Variants in CLTC observed in about 807,000 individuals in gnomAD.
The protein encoded by CLTC is clathrin heavy chain 1.
CLTC carries 16 observed loss-of-function variants against 195.8 expected under a neutral mutation model. The observed-to-expected ratio is 0.08, with a 90% CI of 0.06 to 0.12. The LOEUF is 0.12. CLTC is among the 10% of genes least tolerant of loss of function. The pLI is 1.00. For synonymous variants in CLTC, 667 were observed against 689.4 expected (o/e 0.97, Z 0.51); for missense variants, 796 against 2,027.0 (o/e 0.39, Z 11.66).
At position 59,655,922 on chromosome 17, in the gene CLTC, G is replaced by A; in HGVS notation, c.864G>A (p.Glu288=). The part of the protein sequence containing the change: ...KYGYIHLYDL[E]TGTCIYMNRI... ...GTTATATCCACCTCTATGATCTTGAGACTGGTACCTGCATCTACATGAATA... is the reference window on the plus strand; with the variant it reads ...GTTATATCCACCTCTATGATCTTGAAACTGGTACCTGCATCTACATGAATA... The change falls in exon 6 of 32, where the codon GAG becomes GAA. Residue 288 remains glutamate, a synonymous_variant. Transcript: ENST00000269122. 6.2e-7 allele frequency: 1 copy of A among 1,612,362 alleles called. No homozygotes were observed.
In CLTC at chr17:59,682,844, A is replaced by G. The variant is rs1351301241; in HGVS notation, c.3765+51A>G. 1 of 1,604,648 alleles carries G rather than the reference A, an allele frequency of 6.2e-7. No homozygotes were observed. The highest frequency in any genetic ancestry group is 2.2e-5 in the East Asian group (1 of 44,798). ...AGAATTAAAGAAACGCTATTTAAAC[A>G]TTAGTTTAAATAACTAGCCATGTTT... On this transcript the variant is annotated intron_variant, in intron 23 of 31. Transcript: ENST00000269122. This position sits in a 1 kb window ranked among gnomAD's most constrained non-coding sequence, Gnocchi z 6.8.
intron 17 of CLTC, among the ~76,000 whole-genome samples, chr17:59,679,088 GTACA>G (rs749581971): frequency 2.3e-4 from 35 of 152,252 alleles, no homozygotes; most frequent in Non-Finnish European, 4.1e-4. Context: ...TTACATTTAT[GTACA>G]TACATATGCT....
chr17:59,682,207 A>T lies in CLTC; in HGVS notation c.3443-64A>T. On this transcript the variant is annotated intron_variant, in intron 21 of 31. Coordinates refer to ENST00000269122, the MANE Select transcript of CLTC (RefSeq NM_004859.4). This position sits in a 1 kb window ranked among gnomAD's most constrained non-coding sequence, Gnocchi z 6.8. ...AAGGAAATGAATGCAATTTTCATTT[A>T]CTTGGGTGAAAGATAAACTAGGATG... 6.9e-7 allele frequency: 1 copy of T among 1,458,778 alleles called. No individual in the cohort carries two copies. The highest frequency in any genetic ancestry group is 2.3e-5 in the East Asian group (1 of 43,798). 90.4% of individuals were successfully genotyped at this position (1,458,778 alleles called of 1,614,324 possible).
intron 17 of CLTC, 40 bp downstream of exon 17, chr17:59,677,228 T>C: frequency 6.7e-7 from 1 of 1,485,464 alleles, no homozygotes; most frequent in Non-Finnish European, 9.4e-7. Flanking sequence ...AGCTGCATTT[T>C]TAAAAACCTG....
chr17:59,638,779 G>A (rs2143479236), intron 1 of CLTC, among the ~76,000 whole-genome samples: 1 of 152,244 alleles, frequency 6.6e-6, no homozygotes, highest in South Asian at 2.1e-4. Context: ...CTTCTGTGTG[G>A]CCCAGTTGCT....
intron 1 of CLTC, among the ~76,000 whole-genome samples, chr17:59,623,937 C>T (rs1472496905): frequency 6.6e-6 from 1 of 152,168 alleles, no homozygotes; most frequent in African/African-American, 2.4e-5. Flanking sequence ...ATAGGCCATG[C>T]TGATGTGTTT....
chr17:59,679,808 C>A (rs1046390563), intron 18 of CLTC, among the ~76,000 whole-genome samples: 3 of 151,946 alleles, frequency 2.0e-5, no homozygotes, highest in Non-Finnish European at 4.4e-5. Context: ...GTGGCTCACG[C>A]CTGTAATTCC....
intron 2 of CLTC, among the ~76,000 whole-genome samples, chr17:59,646,383 C>A (rs1381640105): frequency 3.3e-5 from 5 of 152,142 alleles, no homozygotes; most frequent in Non-Finnish European, 7.4e-5. Context: ...GAATAACATT[C>A]TTCATTTTAT....
intron 6 of CLTC, among the ~76,000 whole-genome samples, chr17:59,659,329 G>A (rs567007959): frequency 6.6e-6 from 1 of 152,052 alleles, no homozygotes; most frequent in Non-Finnish European, 1.5e-5. Flanking sequence ...AGCTTTTGGG[G>A]CAAGCCAGAA....
chr17:59,664,611 G>A, intron 9 of CLTC, 176 bp from the exon 10 acceptor site: 1 of 463,828 alleles, frequency 2.2e-6, no homozygotes, highest in Non-Finnish European at 3.7e-6. Flanking sequence ...TATAAAAATT[G>A]ACAGATGTTT....
chr17:59,620,137 C>G lies in CLTC; in HGVS notation c.6C>G (p.Ala2=). The G allele has an allele frequency of 6.2e-7, 1 of 1,614,100 alleles. No individual in the cohort carries two copies. The highest frequency in any genetic ancestry group is 1.1e-5 in the South Asian group (1 of 91,072). ...CCATAACCCCCGACAGCGCCATGGC[C>G]CAGATTCTGCCAATTCGTTTTCAGG... M[A]QILPIRFQEH... Residue 2 remains alanine, a synonymous_variant, in exon 1 of 32, where the codon GCC becomes GCG. Coordinates refer to ENST00000269122, the MANE Select transcript of CLTC (RefSeq NM_004859.4).
At chr17:59,657,027 T>C (rs893188753) in intron 6 of CLTC, among the ~76,000 whole-genome samples, 1 of 152,150 alleles carries the variant, frequency 6.6e-6, no homozygotes, top group Non-Finnish European at 1.5e-5. Context: ...TTCTGAAAAA[T>C]GGCTAAACAT....
intron 5 of CLTC, 40 bp downstream of exon 5, chr17:59,651,356 C>T: frequency 7.5e-7 from 1 of 1,336,140 alleles, no homozygotes; most frequent in Non-Finnish European, 1.1e-6. Flanking sequence ...AAAATCTCTC[C>T]TCTTAAAAGA....
intron 5 of CLTC, among the ~76,000 whole-genome samples, chr17:59,653,200 ATTTT>A (rs1382794339): frequency 2.0e-5 from 3 of 148,434 alleles, no homozygotes; most frequent in Non-Finnish European, 4.5e-5. Context: ...TATTTTATTT[ATTTT>A]TTTTTTTGAG....
At chr17:59,627,012 C>T (rs756989902) in intron 1 of CLTC, among the ~76,000 whole-genome samples, 31 of 152,144 alleles carry the variant, frequency 2.0e-4, no homozygotes, top group Non-Finnish European at 4.0e-4. Flanking sequence ...AATCCTCCCA[C>T]CTCTGCTCCC....
intron 14 of CLTC, among the ~76,000 whole-genome samples, chr17:59,673,099 G>GTT (rs34178326): frequency 6.7e-6 from 1 of 149,948 alleles, no homozygotes; most frequent in African/African-American, 2.5e-5. Flanking sequence ...TAAATGCTGG[G>GTT]TTTTTTTTTT....
At chr17:59,630,476 G>A (rs186242391) in intron 1 of CLTC, among the ~76,000 whole-genome samples, 2 of 152,250 alleles carry the variant, frequency 1.3e-5, no homozygotes, top group African/African-American at 4.8e-5. Flanking sequence ...GTGGTATTTA[G>A]TGCATTCACA....
rs1463715474 is a variant in CLTC, at chr17:59,667,890, T to G, written c.2129-887T>G. On this transcript the variant is annotated intron_variant, in intron 13 of 31. Transcript: ENST00000269122. ...TCTCCTCTCTGTACTAGTAGTACTC[T>G]ATTGAGAAGGGGTAAGAGAGTCTAG... Among the ~76,000 whole-genome samples, 3 of 152,238 alleles carry G rather than the reference T, an allele frequency of 2.0e-5. No individual in the cohort carries two copies. In the East Asian group the frequency reaches 5.8e-4, roughly 29 times the overall value.
chr17:59,664,763 G>A lies in CLTC; in HGVS notation c.1522-24G>A, dbSNP rs186387243. ...TATAAAATTGAAACTTAGGAGCAGCGTTTAAGTCTTTGTTTGTTTATAGGT... is the reference window on the plus strand; with the variant it reads ...TATAAAATTGAAACTTAGGAGCAGCATTTAAGTCTTTGTTTGTTTATAGGT... On this transcript the variant is annotated intron_variant, in intron 9 of 31. Coordinates refer to ENST00000269122, the MANE Select transcript of CLTC (RefSeq NM_004859.4). 404 of 1,609,702 alleles carry A rather than the reference G, an allele frequency of 2.5e-4. 1 individual carries two copies. The highest frequency in any genetic ancestry group is 7.2e-4 in the South Asian group (65 of 90,684).
Sources: allele counts gnomAD v4.1 joint callset (sites outside exome capture counted in the v4.1 genomes callset), GRCh38; gene constraint gnomAD v4.1.1; non-coding constraint Gnocchi (gnomAD v3.1); transcripts MANE v1.5; gene names NCBI Gene and HGNC (gene_info 2026-07-23, HGNC 2026-07-21).